Variants in FHIT observed in about 807,000 individuals in gnomAD.
The protein encoded by FHIT is bis(5'-adenosyl)-triphosphatase.
Under a neutral mutation model 17.9 loss-of-function variants are expected in FHIT, and 19 were observed. The ratio of observed to expected loss-of-function variants is 1.06; its 90% CI spans 0.74 to 1.56. The LOEUF is 1.56. Among genes scored for constraint, FHIT ranks in the 40% most tolerant of loss-of-function variants. The pLI, the probability that FHIT is intolerant of heterozygous loss-of-function variation, is 0.00. For missense variants in FHIT, 248 were observed against 189.2 expected (o/e 1.31, Z -1.82); for synonymous variants, 81 against 69.7 (o/e 1.16, Z -0.81).
chr3:60,442,251 C>G (rs1448754653), intron 5 of FHIT, among the ~76,000 whole-genome samples: 1 of 151,932 alleles, frequency 6.6e-6, no homozygotes, highest in Non-Finnish European at 1.5e-5. Flanking sequence ...ACCTAAGGTT[C>G]CTGATTCATC....
chr3:60,140,750 G>C (rs1700007799), intron 5 of FHIT, among the ~76,000 whole-genome samples: 1 of 151,954 alleles, frequency 6.6e-6, no homozygotes, highest in African/African-American at 2.4e-5. Flanking sequence ...AGCTAATTTT[G>C]TATTTTTAGT....
chr3:60,889,590 T>C (rs2107167968), intron 3 of FHIT, among the ~76,000 whole-genome samples: 1 of 152,288 alleles, frequency 6.6e-6, no homozygotes, highest in East Asian at 1.9e-4. Flanking sequence ...AATTTACCAG[T>C]GGAGGCAATA....
chr3:59,788,770 G>T (rs1699416952), intron 8 of FHIT, among the ~76,000 whole-genome samples: 1 of 151,872 alleles, frequency 6.6e-6, no homozygotes, highest in Non-Finnish European at 1.5e-5. Flanking sequence ...TTCTCTTATT[G>T]ATGAGGTACA....
At chr3:60,855,463 C>A (rs2106931801) in intron 3 of FHIT, among the ~76,000 whole-genome samples, 1 of 152,174 alleles carries the variant, frequency 6.6e-6, no homozygotes, top group East Asian at 1.9e-4. Flanking sequence ...CGTCTTGTGA[C>A]CATGAGGCAA....
intron 4 of FHIT, among the ~76,000 whole-genome samples, chr3:60,797,455 C>CAGTAGTAGTAGTAGT (rs59090057): frequency 0.017 from 2,495 of 148,084 alleles, 40 homozygotes; most frequent in Non-Finnish European, 0.024. Flanking sequence ...AAAGAAATTG[C>CAGTAGTAGTAGTAGT]AGTAGTAGTA....
intron 4 of FHIT, among the ~76,000 whole-genome samples, chr3:60,793,393 C>A (rs1434416792): frequency 1.3e-5 from 2 of 151,992 alleles, no homozygotes; most frequent in African/African-American, 4.8e-5. Context: ...ATCTCCAACC[C>A]CTGGGTTCAA....
chr3:61,010,234 T>C lies in FHIT; in HGVS notation c.-111+31813A>G, dbSNP rs150416506. Among the ~76,000 whole-genome samples, 741 of 152,258 alleles carry C rather than the reference T, an allele frequency of 4.9e-3. 2 individuals are homozygous for C. Among genetic ancestry groups the C allele is most frequent in the Middle Eastern group, 0.01 (3 of 294 alleles). ...AAAAAGTAAATGGTAAACAACTGAT[T>C]GAATTTATTGGATCTGGGGTGATCT... On this transcript the variant is annotated intron_variant, in intron 3 of 9. Transcript: ENST00000492590.
chr3:60,540,755 G>A (rs568086050), intron 4 of FHIT, among the ~76,000 whole-genome samples: 3 of 152,288 alleles, frequency 2.0e-5, no homozygotes, highest in African/African-American at 7.2e-5. Flanking sequence ...CTGTGCAAAT[G>A]TCACTTACTA....
chr3:61,083,387 G>C (rs918732551), intron 2 of FHIT, among the ~76,000 whole-genome samples: 1 of 152,058 alleles, frequency 6.6e-6, no homozygotes, highest in South Asian at 2.1e-4. Flanking sequence ...TCAGGAGATC[G>C]AGACCATCCT....
chr3:59,754,193 G>GTATT (rs1559573414), intron 8 of FHIT, among the ~76,000 whole-genome samples: 3 of 151,906 alleles, frequency 2.0e-5, no homozygotes. Flanking sequence ...CCGCTGAGCT[G>GTATT]TATTTCCACT....
rs1023790096 is a variant in FHIT at position 59,749,426 on chromosome 3, C to T, written c.*159G>A. The T allele has an allele frequency of 2.2e-5, 5 of 231,146 alleles. No individual in the cohort carries two copies. The highest frequency in any genetic ancestry group is 1.1e-4 in the African/African-American group (5 of 45,028). The allele number at this position is 231,146 out of a possible 1,614,324, so 14.3% of individuals were successfully genotyped here. A position where few individuals can be genotyped will look rare whatever the true frequency, so the allele number is the denominator to read the frequency against. On this transcript the variant is annotated 3_prime_UTR_variant, in exon 10 of 10. Coordinates refer to ENST00000492590, the MANE Select transcript of FHIT (RefSeq NM_002012.4). The stretch of plus-strand genomic sequence containing the variant: ...GGTATTTTAAGGGAGTTGGAGTGAC[C>T]GAGGTGGGGGATCACTGGTTGAAGA...
At chr3:60,585,832 C>T (rs956689819) in intron 4 of FHIT, among the ~76,000 whole-genome samples, 2 of 151,838 alleles carry the variant, frequency 1.3e-5, no homozygotes, top group Non-Finnish European at 2.9e-5. Context: ...GGCATTATTA[C>T]AGTTGTTTTA....
At chr3:60,018,686 A>G (rs1246040074) in intron 5 of FHIT, among the ~76,000 whole-genome samples, 1 of 152,136 alleles carries the variant, frequency 6.6e-6, no homozygotes, top group Non-Finnish European at 1.5e-5. Flanking sequence ...GCCTTAAAAC[A>G]ACATTGATCG....
chr3:59,865,750 G>A (rs1702617040), intron 8 of FHIT, among the ~76,000 whole-genome samples: 1 of 152,226 alleles, frequency 6.6e-6, no homozygotes, highest in Non-Finnish European at 1.5e-5. Context: ...TTTGGATTCA[G>A]GCAGGCGATG....
chr3:60,873,910 T>C (rs77846437), intron 3 of FHIT, among the ~76,000 whole-genome samples: 76 of 152,280 alleles, frequency 5.0e-4, no homozygotes, highest in African/African-American at 1.8e-3. Context: ...CTATGGCATT[T>C]TAAAATGTGG....
intron 5 of FHIT, among the ~76,000 whole-genome samples, chr3:60,202,186 T>C (rs977308871): frequency 1.3e-5 from 2 of 152,354 alleles, no homozygotes; most frequent in East Asian, 3.9e-4. Context: ...CTAATTATCA[T>C]TGTGCCTTTA....
At chr3:61,196,484 AG>A (rs2038856838) in intron 2 of FHIT, among the ~76,000 whole-genome samples, 2 of 152,240 alleles carry the variant, frequency 1.3e-5, no homozygotes, top group African/African-American at 4.8e-5. Flanking sequence ...ATTTCTTAAA[AG>A]TGTACAATAA....
chr3:60,060,282 A>T (rs1194124979), intron 5 of FHIT, among the ~76,000 whole-genome samples: 1 of 152,194 alleles, frequency 6.6e-6, no homozygotes, highest in Non-Finnish European at 1.5e-5. Flanking sequence ...TCAAGAATCA[A>T]CTTTCTAGCT....
chr3:59,750,418 C>T (rs1700829774), intron 9 of FHIT: 1 of 224,564 alleles, frequency 4.5e-6, no homozygotes, highest in East Asian at 6.5e-5. Flanking sequence ...AAATGACATA[C>T]TGGCCTTCAT....
Sources: allele counts gnomAD v4.1 joint callset (sites outside exome capture counted in the v4.1 genomes callset), GRCh38; gene constraint gnomAD v4.1.1; transcripts MANE v1.5; gene names NCBI Gene and HGNC (gene_info 2026-07-23, HGNC 2026-07-21).